Variants in ACSM3 observed in about 807,000 individuals in gnomAD.
ACSM3 encodes the protein acyl-coenzyme A synthetase ACSM3, mitochondrial.
In ACSM3, 61 loss-of-function variants were observed where a neutral mutation model predicts 74.1. That is an observed-to-expected ratio of 0.82 (90% CI 0.67 to 1.02). ACSM3 has a LOEUF of 1.02. Ranked by LOEUF, ACSM3 falls within the 50% of genes least tolerant of loss-of-function variation. The probability of loss-of-function intolerance (pLI) is 0.00; values close to 1 mark genes in which losing one functional copy is unlikely to be tolerated. For synonymous variants in ACSM3, 213 were observed against 241.5 expected (o/e 0.88, Z 1.09); for missense variants, 660 against 697.0 (o/e 0.95, Z 0.60).
intron 1 of ACSM3, among the ~76,000 whole-genome samples, chr16:20,692,511 T>A (rs1293333562): frequency 6.6e-6 from 1 of 152,182 alleles, no homozygotes; most frequent in African/African-American, 2.4e-5. Flanking sequence ...TGTGCACCGG[T>A]ATCTCTCAGA....
intron 1 of ACSM3, chr16:20,718,323 A>G: frequency 2.7e-6 from 2 of 739,908 alleles, no homozygotes; most frequent in Non-Finnish European, 3.8e-6. Flanking sequence ...TTACACCACC[A>G]TCTTGGGGTC....
intron 1 of ACSM3, among the ~76,000 whole-genome samples, chr16:20,715,431 C>T (rs2079758364): frequency 6.6e-6 from 1 of 152,008 alleles, no homozygotes; most frequent in African/African-American, 2.4e-5. Context: ...TGGTGAAACC[C>T]CGTCTCCACT....
At chr16:20,749,047 C>G (rs908978348) in intron 1 of ACSM3, among the ~76,000 whole-genome samples, 1 of 151,566 alleles carries the variant, frequency 6.6e-6, no homozygotes, top group Non-Finnish European at 1.5e-5. Flanking sequence ...GTGACAAGAG[C>G]GAAACTCCGT....
intron 1 of ACSM3, among the ~76,000 whole-genome samples, chr16:20,705,387 A>C (rs550332975): frequency 2.0e-5 from 3 of 152,016 alleles, no homozygotes; most frequent in African/African-American, 4.8e-5. Flanking sequence ...AAAAAAAAAA[A>C]AACAACTTCA....
At position 20,790,957 on chromosome 16, in the gene ACSM3, A is replaced by G; in HGVS notation, c.1326+269A>G. The stretch of plus-strand genomic sequence containing the variant: ...CCTAGAAAGAGGACAGCCTCTTAAC[A>G]TCCCCTGATCCTCTCAATTATCAAA... On this transcript the variant is annotated intron_variant, in intron 10 of 13. Coordinates refer to ENST00000289416, the MANE Select transcript of ACSM3 (RefSeq NM_005622.4). The surrounding 1 kb of genome is among the most constrained non-coding windows in gnomAD (Gnocchi z 4.0). 6.3e-7 allele frequency: 1 copy of G among 1,599,812 alleles called. No individual in the cohort carries two copies. Among genetic ancestry groups the G allele is most frequent in the African/African-American group, 1.4e-5 (1 of 73,900 alleles).
At chr16:20,780,879 G>A (rs747948727) in intron 5 of ACSM3, 22 bp downstream of exon 5, 1 of 1,613,956 alleles carries the variant, frequency 6.2e-7, no homozygotes, top group South Asian at 1.1e-5. Context: ...CAAAAGTGCA[G>A]CTTGAAGTGT....
At chr16:20,776,092 G>A (rs779863014) in intron 3 of ACSM3, 43 bp downstream of exon 3, 1 of 1,595,522 alleles carries the variant, frequency 6.3e-7, no homozygotes, top group Non-Finnish European at 8.6e-7. Flanking sequence ...TACTAAGCTG[G>A]AGGGGAGATT....
chr16:20,747,853 G>A (rs2079964331), intron 1 of ACSM3, among the ~76,000 whole-genome samples: 1 of 152,180 alleles, frequency 6.6e-6, no homozygotes, highest in African/African-American at 2.4e-5. Context: ...GTACATGTAA[G>A]AGTCTAGCTG....
rs187498996 is a variant in ACSM3, at chr16:20,795,443, C to T, written c.1555-927C>T. 1.9e-4 allele frequency among the ~76,000 whole-genome samples: 29 copies of T among 152,354 alleles called. No homozygotes were observed. The East Asian group carries it at 5.0e-3, about 26-fold the overall frequency. The stretch of plus-strand genomic sequence containing the variant: ...CAAGTCTTTGTTTCTCACCAAATGG[C>T]TGTCCTGGTAATTTGTTGTTTCAAA... On this transcript the variant is annotated intron_variant, in intron 12 of 13. Coordinates refer to ENST00000289416, the MANE Select transcript of ACSM3 (RefSeq NM_005622.4).
rs2080740355 is a variant in ACSM3, at chr16:20,797,236, A to G, written c.*264A>G. 8.8e-7 allele frequency: 1 copy of G among 1,139,460 alleles called. No individual in the cohort carries two copies. The highest frequency in any genetic ancestry group is 1.1e-6 in the Non-Finnish European group (1 of 931,622). The allele number at this position is 1,139,460 out of a possible 1,614,324, so 70.6% of individuals were successfully genotyped here. On this transcript the variant is annotated 3_prime_UTR_variant, in exon 14 of 14. Coordinates refer to ENST00000289416, the MANE Select transcript of ACSM3 (RefSeq NM_005622.4). ...GCTGATTAATTTTTAAATGTATAGT[A>G]TAGAAGCAGTTTCTGAACCAGATCT...
intron 1 of ACSM3, among the ~76,000 whole-genome samples, chr16:20,700,364 T>A (rs2079709800): frequency 1.3e-5 from 2 of 152,070 alleles, no homozygotes. Context: ...GGATTTCAAA[T>A]GGTGATACTG....
intron 1 of ACSM3, 47 bp from the exon 2 acceptor site, chr16:20,769,937 A>G: frequency 8.1e-7 from 1 of 1,229,134 alleles, no homozygotes; most frequent in East Asian, 2.3e-5. Flanking sequence ...GGGTATGGCT[A>G]CCTTCAGGAC....
At chr16:20,689,525 TA>T (rs548362843) in intron 1 of ACSM3, among the ~76,000 whole-genome samples, 17 of 149,622 alleles carry the variant, frequency 1.1e-4, no homozygotes, top group Non-Finnish European at 1.6e-4. Context: ...GCAGAATGGA[TA>T]AAAAAAAAAT....
chr16:20,694,195 A>G (rs1364518523), intron 1 of ACSM3, among the ~76,000 whole-genome samples: 2 of 152,194 alleles, frequency 1.3e-5, no homozygotes, highest in Non-Finnish European at 2.9e-5. Context: ...TTGCTAGCCA[A>G]TCGGGACAAA....
chr16:20,781,901 G>A (rs756528643), intron 7 of ACSM3, 114 bp downstream of exon 7: 51 of 759,114 alleles, frequency 6.7e-5, no homozygotes, highest in Non-Finnish European at 1.1e-4. Flanking sequence ...ACAGGATTTA[G>A]CAATCTCTCC....
chr16:20,755,333 C>T (rs1596500988), intron 2 of ACSM3, among the ~76,000 whole-genome samples: 2 of 152,190 alleles, frequency 1.3e-5, no homozygotes, highest in East Asian at 1.9e-4. Flanking sequence ...GATGCTAACA[C>T]TGAGATGACA....
chr16:20,794,932 C>A (rs1289700531), intron 12 of ACSM3, among the ~76,000 whole-genome samples: 1 of 152,142 alleles, frequency 6.6e-6, no homozygotes, highest in East Asian at 1.9e-4. Flanking sequence ...AAGAGACTAT[C>A]CAAGTTGTAG....
chr16:20,683,629 G>A (rs2079489557), intron 1 of ACSM3, among the ~76,000 whole-genome samples: 1 of 140,362 alleles, frequency 7.1e-6, no homozygotes, highest in African/African-American at 2.6e-5. Context: ...TCTTAGCCCA[G>A]AGGGCTCAGC....
chr16:20,736,363 A>G (rs2079868708), intron 1 of ACSM3: 1 of 143,732 alleles, frequency 7.0e-6, no homozygotes, highest in African/African-American at 2.6e-5. Flanking sequence ...TGTCAGCTAT[A>G]TTACACACAA....
Sources: gnomAD v4.1 joint callset for allele counts (sites outside exome capture counted in the v4.1 genomes callset) on GRCh38, gnomAD v4.1.1 for gene constraint, Gnocchi (gnomAD v3.1) non-coding constraint, MANE v1.5 for transcripts, NCBI Gene and HGNC (gene_info 2026-07-23, HGNC 2026-07-21) for gene names.